Variants in GSE1 observed in about 807,000 individuals in gnomAD.
The protein encoded by GSE1 is genetic suppressor element 1.
In GSE1, 32 loss-of-function variants were observed where a neutral mutation model predicts 112.6. That is an observed-to-expected ratio of 0.28 (90% confidence interval 0.21 to 0.38). GSE1 has a LOEUF of 0.38. Ranked by LOEUF, GSE1 falls within the 10% of genes least tolerant of loss-of-function variation. The pLI, the probability that GSE1 is intolerant of heterozygous loss-of-function variation, is 1.00. For synonymous variants in GSE1, 1,115 were observed against 735.6 expected, an observed-to-expected ratio of 1.52 and a Z score of -8.35; for missense variants, 2,348 against 1,699.2, an observed-to-expected ratio of 1.38 and a Z score of -6.71.
intron 1 of GSE1, among the ~76,000 whole-genome samples, chr16:85,605,249 G>A (rs576426550): frequency 6.6e-5 from 10 of 151,986 alleles, no homozygotes; most frequent in African/African-American, 2.2e-4. Context: ...AGTTGCTGGT[G>A]TGATTCTTGG....
chr16:85,291,714 T>G (rs2151440796), intron 1 of GSE1, among the ~76,000 whole-genome samples: 1 of 152,228 alleles, frequency 6.6e-6, no homozygotes, highest in Admixed American at 6.5e-5. Flanking sequence ...CCTCACCCTG[T>G]GGGGGTTAGG....
intron 2 of GSE1, among the ~76,000 whole-genome samples, chr16:85,374,543 T>TGC (rs67092141): frequency 5.4e-5 from 8 of 148,438 alleles, no homozygotes; most frequent in African/African-American, 2.0e-4. Flanking sequence ...TGTGTGTGTG[T>TGC]GCGCGCGCGC....
intron 1 of GSE1, among the ~76,000 whole-genome samples, chr16:85,296,624 AAAAC>A (rs1019469691): frequency 3.9e-5 from 6 of 152,140 alleles, no homozygotes; most frequent in South Asian, 2.1e-4. Flanking sequence ...ACAAAAACCA[AAAAC>A]AAACAAACAA....
chr16:85,496,155 C>T (rs927732905), intron 2 of GSE1, among the ~76,000 whole-genome samples: 1 of 152,208 alleles, frequency 6.6e-6, no homozygotes, highest in Non-Finnish European at 1.5e-5. Context: ...CCTGCGGTGA[C>T]AGTGACTTGA....
chr16:85,446,051 G>A (rs900121292), intron 2 of GSE1, among the ~76,000 whole-genome samples: 28 of 152,336 alleles, frequency 1.8e-4, no homozygotes, highest in African/African-American at 6.3e-4. Flanking sequence ...CACAGTGAGC[G>A]TTCTGTAAAC....
chr16:85,581,133 G>T (rs2046430923), intron 1 of GSE1, among the ~76,000 whole-genome samples: 1 of 152,212 alleles, frequency 6.6e-6, no homozygotes, highest in African/African-American at 2.4e-5. Context: ...ATCAGCCTGT[G>T]TGTGTTGGGA....
At chr16:85,648,383 G>C (rs2051058074) in intron 2 of GSE1, among the ~76,000 whole-genome samples, 169 bp from the exon 3 acceptor site, 3 of 152,102 alleles carry the variant, frequency 2.0e-5, no homozygotes, top group African/African-American at 7.2e-5. Context: ...GGCCTCAGGA[G>C]AGGTGTCTCC....
chr16:85,290,430 T>C (rs1418502583), intron 1 of GSE1, among the ~76,000 whole-genome samples: 2 of 152,190 alleles, frequency 1.3e-5, no homozygotes, highest in Non-Finnish European at 2.9e-5. Flanking sequence ...CAGTTCTCTT[T>C]CTGCAACCTC....
At chr16:85,623,996 C>G (rs897429148) in intron 1 of GSE1, among the ~76,000 whole-genome samples, 1 of 152,214 alleles carries the variant, frequency 6.6e-6, no homozygotes, top group Non-Finnish European at 1.5e-5. Context: ...CTTGGATCCT[C>G]TCTCCCTCCC....
intron 2 of GSE1, among the ~76,000 whole-genome samples, chr16:85,539,632 G>C (rs977474331): frequency 5.9e-5 from 9 of 152,184 alleles, no homozygotes; most frequent in Non-Finnish European, 1.3e-4. Context: ...GTTGGAGGCC[G>C]TTCTGTGGCT....
intron 1 of GSE1, among the ~76,000 whole-genome samples, chr16:85,344,046 T>C (rs12716760): frequency 0.94 from 143,328 of 152,278 alleles, 68,045 homozygotes; most frequent in East Asian, 1. Context: ...TACGTCTCCT[T>C]CAGCGGCTGT....
At chr16:85,296,841 C>T (rs2045380770) in intron 1 of GSE1, among the ~76,000 whole-genome samples, 1 of 149,368 alleles carries the variant, frequency 6.7e-6, no homozygotes, top group South Asian at 2.1e-4. Context: ...GAGACTGAGG[C>T]ATGGGCCAGT....
chr16:85,353,932 C>T (rs997124753), intron 1 of GSE1, among the ~76,000 whole-genome samples: 2 of 152,364 alleles, frequency 1.3e-5, no homozygotes, highest in African/African-American at 2.4e-5. Context: ...TGCAGGAAGC[C>T]TGCTGCCTGG....
intron 1 of GSE1, among the ~76,000 whole-genome samples, chr16:85,347,024 G>T (rs2046757148): frequency 6.6e-6 from 1 of 152,164 alleles, no homozygotes; most frequent in Non-Finnish European, 1.5e-5. Context: ...GCTCTTAGAT[G>T]TCACGTGACA....
intron 2 of GSE1, among the ~76,000 whole-genome samples, chr16:85,423,658 T>C (rs978133648): frequency 2.0e-5 from 3 of 152,016 alleles, no homozygotes; most frequent in Admixed American, 2.0e-4. Flanking sequence ...GGGTGGGGTG[T>C]GGCCTGGTGT....
In GSE1 at chr16:85,331,785, C is replaced by T. The variant is rs1036477447; in HGVS notation, c.2284-25678C>T. On this transcript the variant is annotated intron_variant, in intron 1 of 2. Transcript: ENST00000637419. The stretch of plus-strand genomic sequence containing the variant: ...CTGGTCTCAAACTCCTGACCTCAAG[C>T]GATCTGCCCACCTCAGCCTCCCGAA... Among the ~76,000 whole-genome samples, 9 of 147,098 alleles carry T rather than the reference C, an allele frequency of 6.1e-5. 1 individual carries two copies. The highest frequency in any genetic ancestry group is 1.3e-4 in the African/African-American group (5 of 39,774).
chr16:85,583,528 AACAC>A (rs111647991), intron 1 of GSE1: 10 of 147,998 alleles, frequency 6.8e-5, no homozygotes, highest in East Asian at 1.9e-4. Flanking sequence ...CACACACACA[AACAC>A]ACACACACAC....
intron 1 of GSE1, among the ~76,000 whole-genome samples, chr16:85,190,209 G>A (rs1459154457): frequency 6.6e-6 from 1 of 152,190 alleles, no homozygotes; most frequent in Admixed American, 6.5e-5. Context: ...AAGTCCAGAT[G>A]GTGTGTCCTT....
intron 1 of GSE1, among the ~76,000 whole-genome samples, chr16:85,221,994 G>C (rs928116417): frequency 6.6e-6 from 1 of 152,132 alleles, no homozygotes; most frequent in African/African-American, 2.4e-5. Context: ...GGGAGGGCCG[G>C]GGAGGCCCAC....
Sources: gnomAD v4.1 joint callset for allele counts (sites outside exome capture counted in the v4.1 genomes callset) on GRCh38, gnomAD v4.1.1 for gene constraint, MANE v1.5 for transcripts, NCBI Gene and HGNC (gene_info 2026-07-23, HGNC 2026-07-21) for gene names.